POPDC1: variants seen among roughly 807,000 people sequenced by gnomAD.
The protein encoded by POPDC1 is popeye domain-containing protein 1.
At chr6:105,111,294 C>G in the POPDC1 span, among the ~76,000 whole-genome samples, 1,478 of 152,286 alleles carry the variant, frequency 9.7e-3, 29 homozygotes, top group African/African-American at 0.033. Flanking sequence ...CTGAGCTGGG[C>G]AGCACTTACT....
chr6:105,122,727 C>A, the POPDC1 span, among the ~76,000 whole-genome samples: 2 of 152,248 alleles, frequency 1.3e-5, no homozygotes, highest in East Asian at 1.9e-4. Flanking sequence ...AAAGAAGATG[C>A]GGCCCTGCAC....
At chr6:105,121,998 A>G in the POPDC1 span, among the ~76,000 whole-genome samples, 1 of 152,236 alleles carries the variant, frequency 6.6e-6, no homozygotes, top group Non-Finnish European at 1.5e-5. Flanking sequence ...GTCCTCTGCC[A>G]CTGACACAGG....
At chr6:105,126,257 GAAAGAAAGAAAAGA>G in the POPDC1 span, among the ~76,000 whole-genome samples, 1 of 150,214 alleles carries the variant, frequency 6.7e-6, no homozygotes, top group Non-Finnish European at 1.5e-5. Flanking sequence ...ATAAAAAAAA[GAAAGAAAGAAAAGA>G]AAAGAAAGAA....
the POPDC1 span, among the ~76,000 whole-genome samples, chr6:105,118,965 C>T: frequency 6.6e-6 from 1 of 152,072 alleles, no homozygotes; most frequent in African/African-American, 2.4e-5. Context: ...GGGCCGATCA[C>T]TTCAGGCCAG....
chr6:105,135,667 T>G, the POPDC1 span, among the ~76,000 whole-genome samples: 15,939 of 152,112 alleles, frequency 0.1, 1,073 homozygotes, highest in African/African-American at 0.19. Context: ...TAGCAGTTTT[T>G]AGAAGGTACG....
the POPDC1 span, among the ~76,000 whole-genome samples, chr6:105,131,087 G>C: frequency 6.6e-6 from 1 of 152,038 alleles, no homozygotes; most frequent in African/African-American, 2.4e-5. Context: ...AGTTAATACA[G>C]TATATACATT....
chr6:105,112,118 C>A, the POPDC1 span, among the ~76,000 whole-genome samples: 1 of 152,158 alleles, frequency 6.6e-6, no homozygotes, highest in Non-Finnish European at 1.5e-5. Context: ...GACTCCCAGA[C>A]CCCCACCCCA....
At chr6:105,125,547 T>C in the POPDC1 span, 1 of 1,613,962 alleles carries the variant, frequency 6.2e-7, no homozygotes, top group Non-Finnish European at 8.5e-7. Flanking sequence ...CAATCGCCGG[T>C]ACATGCCACT....
the POPDC1 span, among the ~76,000 whole-genome samples, chr6:105,121,297 A>T: frequency 2.7e-5 from 4 of 150,012 alleles, no homozygotes; most frequent in African/African-American, 9.8e-5. Context: ...ATGGAGTCTC[A>T]TTCTGTTGCC....
the POPDC1 span, chr6:105,133,232 A>G: frequency 8.0e-6 from 6 of 751,030 alleles, no homozygotes; most frequent in Non-Finnish European, 1.3e-5. Context: ...TTCATTAACA[A>G]AGACTTACAT....
chr6:105,133,770 T>G, the POPDC1 span, among the ~76,000 whole-genome samples: 1 of 152,162 alleles, frequency 6.6e-6, no homozygotes, highest in Non-Finnish European at 1.5e-5. Flanking sequence ...GTTCCTTACC[T>G]GTTAAAAGAT....
chr6:105,108,686 T>TG, the POPDC1 span, among the ~76,000 whole-genome samples: 1 of 152,222 alleles, frequency 6.6e-6, no homozygotes, highest in African/African-American at 2.4e-5. Flanking sequence ...CACTTGAACT[T>TG]GATTTTTAGA....
At chr6:105,098,737 A>C in the POPDC1 span, 2 of 152,232 alleles carry the variant, frequency 1.3e-5, no homozygotes, top group Non-Finnish European at 2.9e-5. Flanking sequence ...TGAGAGCGAG[A>C]GCGCACGAGA....
At chr6:105,137,027 T>TCGGGGCG in the POPDC1 span, 1 of 151,954 alleles carries the variant, frequency 6.6e-6, no homozygotes, top group African/African-American at 2.4e-5. Context: ...AGCGGCAGCT[T>TCGGGGCG]CGGGGCGCGG....
At chr6:105,100,108 C>T in the POPDC1 span, 1 of 152,070 alleles carries the variant, frequency 6.6e-6, no homozygotes, top group Non-Finnish European at 1.5e-5. Context: ...ATCAAGTTAT[C>T]CACACAGTGC....
chr6:105,097,021 G>T, the POPDC1 span: 2 of 152,596 alleles, frequency 1.3e-5, no homozygotes, highest in East Asian at 3.8e-4. Flanking sequence ...AAACTAGGTT[G>T]CAAGTATAAC....
At chr6:105,100,739 GA>G in the POPDC1 span, 1 of 156,802 alleles carries the variant, frequency 6.4e-6, no homozygotes, top group Non-Finnish European at 1.4e-5. Flanking sequence ...AGACTGTGAG[GA>G]AAAAGAATCA....
At chr6:105,133,301 T>C in the POPDC1 span, 1 of 1,450,802 alleles carries the variant, frequency 6.9e-7, no homozygotes, top group Non-Finnish European at 9.5e-7. Context: ...GTAAAGCCCA[T>C]CTTATGTCAG....
At chr6:105,121,309 A>T in the POPDC1 span, among the ~76,000 whole-genome samples, 1 of 149,712 alleles carries the variant, frequency 6.7e-6, no homozygotes, top group South Asian at 2.1e-4. Context: ...TCTGTTGCCC[A>T]GGCTGGAGTG....
Sources: allele counts gnomAD v4.1 joint callset (sites outside exome capture counted in the v4.1 genomes callset), GRCh38; gene constraint gnomAD v4.1.1; transcripts MANE v1.5; gene names NCBI Gene and HGNC (gene_info 2026-07-23, HGNC 2026-07-21).